The following SLC4A10 variants were observed in gnomAD, a reference collection of about 807,000 sequenced individuals.
SLC4A10 encodes the protein solute carrier family 4 member 10, also known as sodium-driven chloride bicarbonate exchanger.
SLC4A10 carries 42 observed loss-of-function variants against 137.7 expected under a neutral mutation model. That is an observed-to-expected ratio of 0.30 (90% CI 0.24 to 0.39). The LOEUF (loss-of-function observed/expected upper bound fraction) is 0.39. SLC4A10 is among the 10% of genes least tolerant of loss of function. The probability of loss-of-function intolerance (pLI) is 1.00; values close to 1 mark genes in which losing one functional copy is unlikely to be tolerated. For missense variants in SLC4A10, 925 were observed against 1,355.0 expected (o/e 0.68, Z 4.98); for synonymous variants, 474 against 464.1 (o/e 1.02, Z -0.27).
At chr2:161,625,236 T>C (rs1377091833) in intron 1 of SLC4A10, among the ~76,000 whole-genome samples, 2 of 151,980 alleles carry the variant, frequency 1.3e-5, no homozygotes, top group African/African-American at 4.8e-5. Context: ...CATTTGGTAA[T>C]AGCCCATCTG....
chr2:161,906,144 G>A lies in SLC4A10; in HGVS notation c.1997+257G>A, dbSNP rs76837616. Reference sequence around the variant, plus strand: ...ATTTGTCCAGTGTTCTCTAAAATAAGTAGATAAGGAACCAATTCCATTTTA... The same window carrying A: ...ATTTGTCCAGTGTTCTCTAAAATAAATAGATAAGGAACCAATTCCATTTTA... On this transcript the variant is annotated intron_variant, in intron 15 of 26. Transcript: ENST00000446997. 4.2e-3 allele frequency among the ~76,000 whole-genome samples: 641 copies of A among 152,276 alleles called. 6 individuals carry two copies. Among genetic ancestry groups the A allele is most frequent in the African/African-American group, 0.015 (609 of 41,548 alleles).
intron 1 of SLC4A10, among the ~76,000 whole-genome samples, chr2:161,669,190 A>T (rs556913601): frequency 6.6e-6 from 1 of 151,866 alleles, no homozygotes; most frequent in Admixed American, 6.6e-5. Flanking sequence ...ACTGTCTTTT[A>T]TTTTTACGAA....
At position 161,660,877 on chromosome 2, in the gene SLC4A10, G is replaced by T. The variant is rs2038295067; in HGVS notation, c.48+36311G>T. On this transcript the variant is annotated intron_variant, in intron 1 of 26. Coordinates refer to ENST00000446997, the MANE Select transcript of SLC4A10 (RefSeq NM_001178015.2). Reference sequence around the variant, plus strand: ...GGGTTTCACCATGTTAGCCAGGATGGTCTAGATCTCCTGACCTAGTGATCC... The same window carrying T: ...GGGTTTCACCATGTTAGCCAGGATGTTCTAGATCTCCTGACCTAGTGATCC... Among the ~76,000 whole-genome samples, 4 of 150,654 alleles carry T rather than the reference G, an allele frequency of 2.7e-5. No homozygotes were observed. In the South Asian group the frequency reaches 6.3e-4, roughly 24 times the overall value.
intron 15 of SLC4A10, among the ~76,000 whole-genome samples, chr2:161,910,052 C>A (rs1575596037): frequency 6.6e-6 from 1 of 152,216 alleles, no homozygotes; most frequent in South Asian, 2.1e-4. Context: ...TCTGAGATTG[C>A]AACCTTTGCA....
intron 2 of SLC4A10, among the ~76,000 whole-genome samples, chr2:161,773,717 A>T (rs1488286675): frequency 1.3e-5 from 2 of 151,876 alleles, no homozygotes; most frequent in African/African-American, 4.8e-5. Context: ...CTCAATAACA[A>T]CAGGTTGGTA....
At chr2:161,881,781 A>G (rs2061801957) in intron 9 of SLC4A10, among the ~76,000 whole-genome samples, 3 of 152,034 alleles carry the variant, frequency 2.0e-5, no homozygotes, top group African/African-American at 4.8e-5. Flanking sequence ...ATTATAGTGC[A>G]GATGCTATTT....
intron 2 of SLC4A10, among the ~76,000 whole-genome samples, chr2:161,775,270 T>C (rs916489737): frequency 1.3e-5 from 2 of 151,890 alleles, no homozygotes; most frequent in South Asian, 4.1e-4. Context: ...CTCAGGAACA[T>C]GGTATGCAGC....
chr2:161,844,004 A>T (rs2125809198), intron 4 of SLC4A10, among the ~76,000 whole-genome samples: 1 of 152,284 alleles, frequency 6.6e-6, no homozygotes, highest in East Asian at 1.9e-4. Context: ...CCATATGAAG[A>T]GACTAATGAA....
chr2:161,791,680 C>T (rs1313092027), intron 2 of SLC4A10, among the ~76,000 whole-genome samples: 1 of 152,168 alleles, frequency 6.6e-6, no homozygotes, highest in Admixed American at 6.6e-5. Flanking sequence ...AATTAACTCT[C>T]AGATGTTCCA....
At chr2:161,963,710 G>T (rs16846221) in intron 21 of SLC4A10, among the ~76,000 whole-genome samples, 9,488 of 152,230 alleles carry the variant, frequency 0.062, 578 homozygotes, top group East Asian at 0.24. Context: ...AAAGCCATGG[G>T]TATGGATGAA....
chr2:161,905,939 G>A (rs370311456), intron 15 of SLC4A10, 52 bp downstream of exon 15: 14 of 1,524,598 alleles, frequency 9.2e-6, no homozygotes, highest in Non-Finnish European at 1.1e-5. Flanking sequence ...GACAAATATT[G>A]CTATTGTTAC....
At chr2:161,815,074 C>T (rs1485219026) in intron 3 of SLC4A10, among the ~76,000 whole-genome samples, 2 of 151,994 alleles carry the variant, frequency 1.3e-5, no homozygotes, top group Non-Finnish European at 2.9e-5. Flanking sequence ...ACAATATTAG[C>T]ATTAAATTTA....
intron 2 of SLC4A10, among the ~76,000 whole-genome samples, chr2:161,796,059 A>G (rs1417204687): frequency 2.6e-5 from 4 of 152,118 alleles, no homozygotes; most frequent in Non-Finnish European, 4.4e-5. Context: ...GCCCATTGAG[A>G]TATTGGTCAT....
At chr2:161,859,296 C>CTTTTCTTTT (rs796639016) in intron 5 of SLC4A10, among the ~76,000 whole-genome samples, 1 of 142,672 alleles carries the variant, frequency 7.0e-6, no homozygotes, top group Non-Finnish European at 1.5e-5. Context: ...CTTTTCTTTT[C>CTTTTCTTTT]TTTTTTTTTT....
chr2:161,651,933 G>A (rs553429975), intron 1 of SLC4A10, among the ~76,000 whole-genome samples: 5 of 152,322 alleles, frequency 3.3e-5, no homozygotes, highest in African/African-American at 7.2e-5. Context: ...AGAAGGCGCC[G>A]CTGGCCACAG....
chr2:161,952,146 T>A (rs1164176707), intron 19 of SLC4A10, among the ~76,000 whole-genome samples: 1 of 152,184 alleles, frequency 6.6e-6, no homozygotes, highest in Non-Finnish European at 1.5e-5. Flanking sequence ...GGGCCATCAG[T>A]TAAATGGATT....
At chr2:161,768,127 T>C (rs185258140) in intron 1 of SLC4A10, among the ~76,000 whole-genome samples, 14 of 152,082 alleles carry the variant, frequency 9.2e-5, no homozygotes, top group African/African-American at 3.4e-4. Context: ...AGAAAACAAA[T>C]ACTCTGATTT....
chr2:161,758,651 G>A (rs1368419747), intron 1 of SLC4A10, among the ~76,000 whole-genome samples: 1 of 151,946 alleles, frequency 6.6e-6, no homozygotes, highest in Admixed American at 6.6e-5. Flanking sequence ...TGAACACTGT[G>A]TAGTATTCTG....
chr2:161,831,788 AG>A (rs2058451343), intron 3 of SLC4A10, among the ~76,000 whole-genome samples: 1 of 152,156 alleles, frequency 6.6e-6, no homozygotes, highest in Non-Finnish European at 1.5e-5. Context: ...GGTGGTGAAA[AG>A]GTTCACAAAG....
Sources: gnomAD v4.1 joint callset for allele counts (sites outside exome capture counted in the v4.1 genomes callset) on GRCh38, gnomAD v4.1.1 for gene constraint, MANE v1.5 for transcripts, NCBI Gene and HGNC (gene_info 2026-07-23, HGNC 2026-07-21) for gene names.